The following TSPEAR variants were observed in gnomAD, a reference collection of about 807,000 sequenced individuals.
TSPEAR encodes thrombospondin type laminin G domain and EAR repeats.
A neutral mutation model predicts 71.6 loss-of-function variants in TSPEAR; 69 were observed. The ratio of observed to expected loss-of-function variants is 0.96; its 90% CI spans 0.79 to 1.18. The LOEUF is 1.18. Among genes scored for constraint, TSPEAR ranks in the 50% most tolerant of loss-of-function variants. TSPEAR has a pLI of 0.00. For synonymous variants in TSPEAR, 402 were observed against 387.2 expected, an observed-to-expected ratio of 1.04 and a Z score of -0.45; for missense variants, 971 against 894.9, an observed-to-expected ratio of 1.09 and a Z score of -1.09.
intron 1 of TSPEAR, chr21:44,627,883 G>A (rs1555934877): frequency 8.7e-6 from 14 of 1,611,862 alleles, no homozygotes; most frequent in Non-Finnish European, 1.1e-5. Flanking sequence ...CTGCCGCCCT[G>A]TGTGCAGGCC....
In TSPEAR at chr21:44,687,756, C is replaced by T. The variant is rs187236452; in HGVS notation, c.82+23677G>A. 3.3e-5 allele frequency among the ~76,000 whole-genome samples: 5 copies of T among 152,252 alleles called. No individual in the cohort carries two copies. The East Asian group carries it at 9.7e-4, about 29-fold the overall frequency. On this transcript the variant is annotated intron_variant, in intron 1 of 11. Coordinates refer to ENST00000323084, the MANE Select transcript of TSPEAR (RefSeq NM_144991.3). This position sits in a 1 kb window ranked among gnomAD's most constrained non-coding sequence, Gnocchi z 4.4. The stretch of plus-strand genomic sequence containing the variant: ...CCCTCTCCCCTGGGCCTTGAGGGGG[C>T]CTGGGTGAGCTGTGTTGACAGATTG...
At chr21:44,526,832 G>C (rs2052865579) in intron 7 of TSPEAR, among the ~76,000 whole-genome samples, 1 of 152,238 alleles carries the variant, frequency 6.6e-6, no homozygotes, top group Non-Finnish European at 1.5e-5. Flanking sequence ...CTGACAGGAA[G>C]GTGGCTGTCA....
intron 10 of TSPEAR, 67 bp downstream of exon 10, chr21:44,509,132 G>C: frequency 1.3e-6 from 2 of 1,535,914 alleles, no homozygotes; most frequent in Non-Finnish European, 1.8e-6. Context: ...TGAGCCTAAC[G>C]GGGATTCCGA....
At chr21:44,693,944 C>CCG (rs1407809843) in intron 1 of TSPEAR, among the ~76,000 whole-genome samples, 1 of 152,192 alleles carries the variant, frequency 6.6e-6, no homozygotes, top group Non-Finnish European at 1.5e-5. Context: ...TATCTACCAA[C>CCG]AGATGAATGG....
At chr21:44,518,664 C>A in intron 9 of TSPEAR, 1 of 470,760 alleles carries the variant, frequency 2.1e-6, no homozygotes, top group Non-Finnish European at 4.4e-6. Flanking sequence ...CCTGGAGGCC[C>A]GCCCCCTGCC....
chr21:44,531,426 A>T (rs1555915760), intron 3 of TSPEAR, among the ~76,000 whole-genome samples: 1 of 151,286 alleles, frequency 6.6e-6, no homozygotes, highest in Non-Finnish European at 1.5e-5. Context: ...CCAGTGTCCG[A>T]CTCTCCCAGT....
chr21:44,709,022 A>T (rs1213538366), intron 1 of TSPEAR, among the ~76,000 whole-genome samples: 2 of 152,210 alleles, frequency 1.3e-5, no homozygotes, highest in Non-Finnish European at 2.9e-5. Context: ...TTCCTGGGGT[A>T]ACACTCAGGA....
chr21:44,596,944 T>G (rs1250176308), intron 1 of TSPEAR, among the ~76,000 whole-genome samples: 7 of 152,238 alleles, frequency 4.6e-5, no homozygotes, highest in Admixed American at 4.6e-4. Context: ...TCTTTTGACT[T>G]GGTTTATAAT....
rs113200827 is a variant in TSPEAR, at chr21:44,573,667, T to C, written c.83-5662A>G. ...GGACAACATGCACCAAGGAGGAGTATAAAAGCCCCACAAACCCGAGCACCT... is the reference window on the plus strand; with the variant it reads ...GGACAACATGCACCAAGGAGGAGTACAAAAGCCCCACAAACCCGAGCACCT... On this transcript the variant is annotated intron_variant, in intron 1 of 11. Coordinates refer to ENST00000323084, the MANE Select transcript of TSPEAR (RefSeq NM_144991.3). 2,017 of 1,552,860 alleles carry C rather than the reference T, an allele frequency of 1.3e-3. 21 individuals are homozygous for C. The African/African-American group carries it at 0.023, about 18-fold the overall frequency.
rs8127405 is a variant in TSPEAR, at chr21:44,677,079, A to G, written c.82+34354T>C. Reference sequence around the variant, plus strand: ...CCACCAGCTCATGATACTGAGATACAAGCTTAGACTCAAATTGAGCTGCTT... The same window carrying G: ...CCACCAGCTCATGATACTGAGATACGAGCTTAGACTCAAATTGAGCTGCTT... On this transcript the variant is annotated intron_variant, in intron 1 of 11. Transcript: ENST00000323084. The G allele has an allele frequency of 2.6e-3, 1,921 of 728,050 alleles. 16 individuals are homozygous for G. The African/African-American group carries it at 0.029, about 11-fold the overall frequency. The allele number at this position is 728,050 out of a possible 1,614,324, so 45.1% of individuals were successfully genotyped here.
At chr21:44,700,306 G>C (rs1987588197) in intron 1 of TSPEAR, among the ~76,000 whole-genome samples, 1 of 152,168 alleles carries the variant, frequency 6.6e-6, no homozygotes, top group Non-Finnish European at 1.5e-5. Context: ...GGTCGTGCTG[G>C]GTGTCACGTG....
chr21:44,585,868 C>T (rs1446502330), intron 1 of TSPEAR, among the ~76,000 whole-genome samples: 1 of 152,212 alleles, frequency 6.6e-6, no homozygotes, highest in East Asian at 1.9e-4. Context: ...AGTTGTTGTT[C>T]ACGTTTTTAA....
At chr21:44,542,395 T>C (rs191279972) in intron 2 of TSPEAR, among the ~76,000 whole-genome samples, 56 of 152,098 alleles carry the variant, frequency 3.7e-4, no homozygotes, top group Non-Finnish European at 7.1e-4. Context: ...AGTAAAATAT[T>C]TGAAGATGTA....
chr21:44,580,815 A>G (rs1978922707), intron 1 of TSPEAR, among the ~76,000 whole-genome samples: 3 of 152,104 alleles, frequency 2.0e-5, no homozygotes, highest in South Asian at 4.2e-4. Context: ...TTTTTCCCTC[A>G]TTAAACTTGT....
rs909450878 is a variant in TSPEAR at position 44,593,951 on chromosome 21, T to C, written c.83-25946A>G. 6.6e-6 allele frequency among the ~76,000 whole-genome samples: 1 copy of C among 152,204 alleles called. No homozygotes were observed. The highest frequency in any genetic ancestry group is 1.5e-5 in the Non-Finnish European group (1 of 68,032). ...ACTGACTTCAGGAACCTCCTCCTGATAAGGGACCCCCAACCATGGACTGGC... is the reference window on the plus strand; with the variant it reads ...ACTGACTTCAGGAACCTCCTCCTGACAAGGGACCCCCAACCATGGACTGGC... On this transcript the variant is annotated intron_variant, in intron 1 of 11. Transcript: ENST00000323084. The surrounding 1 kb of genome is among the most constrained non-coding windows in gnomAD (Gnocchi z 5.9).
intron 1 of TSPEAR, among the ~76,000 whole-genome samples, chr21:44,607,932 C>G (rs900156930): frequency 6.6e-6 from 1 of 152,308 alleles, no homozygotes; most frequent in East Asian, 1.9e-4. Context: ...TTTTGCCACA[C>G]AAGTCATGTG....
At position 44,567,910 on chromosome 21, in the gene TSPEAR, G is replaced by A. The variant is rs2053723776; in HGVS notation, c.178C>T (p.Gln60Ter). 5.0e-6 allele frequency: 8 copies of A among 1,607,294 alleles called. No homozygotes were observed. Among genetic ancestry groups the A allele is most frequent in the Non-Finnish European group, 5.1e-6 (6 of 1,175,886 alleles). ...IVQVHGARGL[Q>*]LSVAAPRTMS... ...GTGCGGGGGGCGGCTACTGAGAGCT[G>A]GAGTCCCCGTGCACCGTGAACCTGA... Residue 60 changes from glutamine (Q) to a stop codon, truncating the protein, a stop_gained, in exon 2 of 12, where the codon CAG becomes TAG. Transcript: ENST00000323084. LOFTEE classifies it high-confidence loss of function.
intron 1 of TSPEAR, chr21:44,592,557 C>T (rs1555927067): frequency 6.5e-7 from 1 of 1,546,854 alleles, no homozygotes; most frequent in East Asian, 2.3e-5. Context: ...TTTATTCCAC[C>T]TGGCCTTGTT....
At chr21:44,683,450 G>A (rs529624808) in intron 1 of TSPEAR, among the ~76,000 whole-genome samples, 1 of 152,134 alleles carries the variant, frequency 6.6e-6, no homozygotes, top group South Asian at 2.1e-4. Context: ...AAGATTGCTT[G>A]AGGCTAGGAG....
Sources: gnomAD v4.1 joint callset for allele counts (sites outside exome capture counted in the v4.1 genomes callset) on GRCh38, gnomAD v4.1.1 for gene constraint, Gnocchi (gnomAD v3.1) non-coding constraint, MANE v1.5 for transcripts, NCBI Gene and HGNC (gene_info 2026-07-23, HGNC 2026-07-21) for gene names.